The following KCNK10 variants were observed in gnomAD, a reference collection of about 807,000 sequenced individuals.
KCNK10 encodes potassium channel subfamily K member 10.
In KCNK10, 25 loss-of-function variants were observed where a neutral mutation model predicts 47.7. The observed-to-expected ratio is 0.52, with a 90% confidence interval of 0.38 to 0.73. The LOEUF is 0.73. Ranked by LOEUF, KCNK10 falls within the 30% of genes least tolerant of loss-of-function variation. The pLI, the probability that KCNK10 is intolerant of heterozygous loss-of-function variation, is 0.00. For missense variants in KCNK10, 563 were observed against 714.5 expected (o/e 0.79, Z 2.42); for synonymous variants, 303 against 285.6 (o/e 1.06, Z -0.61).
At chr14:88,229,996 AC>A (rs1886110776) in intron 3 of KCNK10, among the ~76,000 whole-genome samples, 1 of 151,848 alleles carries the variant, frequency 6.6e-6, no homozygotes, top group Non-Finnish European at 1.5e-5. Context: ...CTATTTACCA[AC>A]TCTCAGGTCA....
intron 4 of KCNK10, among the ~76,000 whole-genome samples, chr14:88,199,637 C>T (rs1196808672): frequency 2.0e-5 from 3 of 152,198 alleles, no homozygotes; most frequent in Admixed American, 1.3e-4. Context: ...GTCCTTCCCA[C>T]CCATCTCTTA....
intron 1 of KCNK10, among the ~76,000 whole-genome samples, chr14:88,269,834 A>T (rs1280448411): frequency 6.6e-6 from 1 of 152,108 alleles, no homozygotes; most frequent in Non-Finnish European, 1.5e-5. Context: ...CAGAGAGGGG[A>T]CACTGAGCAA....
chr14:88,228,779 T>G (rs181720562), intron 3 of KCNK10, among the ~76,000 whole-genome samples: 26 of 152,322 alleles, frequency 1.7e-4, no homozygotes, highest in African/African-American at 5.3e-4. Context: ...CATTCAAACC[T>G]CTTATAATAA....
At chr14:88,196,334 G>A (rs1884912887) in intron 4 of KCNK10, among the ~76,000 whole-genome samples, 1 of 152,330 alleles carries the variant, frequency 6.6e-6, no homozygotes, top group East Asian at 1.9e-4. Context: ...TCTTTTGAGA[G>A]AGGGATGTAT....
At chr14:88,262,249 A>G (rs1887131446) in intron 2 of KCNK10, among the ~76,000 whole-genome samples, 1 of 152,092 alleles carries the variant, frequency 6.6e-6, no homozygotes, top group African/African-American at 2.4e-5. Context: ...CCTTCCACCA[A>G]AACCCACTCT....
intron 1 of KCNK10, among the ~76,000 whole-genome samples, chr14:88,312,433 G>A (rs1384273333): frequency 6.6e-6 from 1 of 152,210 alleles, no homozygotes; most frequent in African/African-American, 2.4e-5. Flanking sequence ...CATCCTGGCT[G>A]GATGCCGACT....
chr14:88,277,336 T>C (rs1467206685), intron 1 of KCNK10, among the ~76,000 whole-genome samples: 1 of 152,256 alleles, frequency 6.6e-6, no homozygotes, highest in African/African-American at 2.4e-5. Context: ...CAGCTTTGCA[T>C]TTCAGCATCA....
chr14:88,296,185 C>T (rs1259602475), intron 1 of KCNK10, among the ~76,000 whole-genome samples: 1 of 152,166 alleles, frequency 6.6e-6, no homozygotes, highest in African/African-American at 2.4e-5. Flanking sequence ...AAAGTAAATG[C>T]ATGTTCTCAG....
intron 4 of KCNK10, among the ~76,000 whole-genome samples, chr14:88,212,109 A>AATATATATATATATATATATAT (rs34318518): frequency 0.03 from 3,972 of 131,030 alleles, 124 homozygotes; most frequent in East Asian, 0.038. Context: ...TGATAGTGAG[A>AATATATATATATATATATATAT]ATATATATAT....
At chr14:88,225,192 A>G (rs1885944427) in intron 4 of KCNK10, among the ~76,000 whole-genome samples, 2 of 152,272 alleles carry the variant, frequency 1.3e-5, no homozygotes. Context: ...TGCAGCAAGC[A>G]AACTGCTGCA....
chr14:88,291,760 T>C (rs11851775), intron 1 of KCNK10, among the ~76,000 whole-genome samples: 21,882 of 151,960 alleles, frequency 0.14, 1,884 homozygotes, highest in East Asian at 0.41. Context: ...GGGTGCGCAG[T>C]GTTTGGCCTG....
chr14:88,256,170 C>T (rs918726025), intron 2 of KCNK10, among the ~76,000 whole-genome samples: 2 of 152,192 alleles, frequency 1.3e-5, no homozygotes, highest in South Asian at 2.1e-4. Flanking sequence ...TAGTGGAATT[C>T]GGATTAGCAT....
At chr14:88,218,273 T>A (rs777248971) in intron 4 of KCNK10, among the ~76,000 whole-genome samples, 17 of 152,190 alleles carry the variant, frequency 1.1e-4, no homozygotes, top group Non-Finnish European at 2.4e-4. Flanking sequence ...CTCTCCTTGA[T>A]CCATGCCAGG....
chr14:88,323,310 A>G (rs1888592371), upstream of KCNK10: 3 of 983,444 alleles, frequency 3.1e-6, no homozygotes, highest in Non-Finnish European at 3.6e-6. Context: ...CTGAGCGCAC[A>G]CGCCCCACCC....
chr14:88,323,305 C>A, upstream of KCNK10: 1 of 985,210 alleles, frequency 1.0e-6, no homozygotes, highest in Non-Finnish European at 1.2e-6. Context: ...CCGCGCTGAG[C>A]GCACACGCCC....
chr14:88,270,842 T>G lies in KCNK10; in HGVS notation c.53-7291A>C, dbSNP rs957397764. On this transcript the variant is annotated intron_variant, in intron 1 of 6. Coordinates refer to ENST00000319231, the MANE Select transcript of KCNK10 (RefSeq NM_138317.3). ...TCTCTCAGGTGTCAGTGTGATCACA[T>G]GGACCCTTGCTAACAATGCTCTGAA... 6.1e-5 allele frequency: 48 copies of G among 780,800 alleles called. No individual in the cohort carries two copies. The East Asian group carries it at 1.2e-3, about 19-fold the overall frequency. The allele number at this position is 780,800 out of a possible 1,614,324, so 48.4% of individuals were successfully genotyped here. A position where few individuals can be genotyped will look rare whatever the true frequency, so the allele number is the denominator to read the frequency against.
At chr14:88,199,221 A>G (rs369324015) in intron 4 of KCNK10, among the ~76,000 whole-genome samples, 125 of 152,186 alleles carry the variant, frequency 8.2e-4, no homozygotes, top group African/African-American at 2.9e-3. Context: ...TGCCCGGCCC[A>G]TGATTTTTTT....
chr14:88,248,340 G>A (rs574218208), intron 2 of KCNK10, among the ~76,000 whole-genome samples: 36 of 152,280 alleles, frequency 2.4e-4, no homozygotes, highest in Admixed American at 1.1e-3. Flanking sequence ...ATAACATCAT[G>A]AAAAAGAGAG....
chr14:88,210,555 C>A (rs11848468), intron 4 of KCNK10, among the ~76,000 whole-genome samples: 9 of 152,272 alleles, frequency 5.9e-5, no homozygotes, highest in Admixed American at 4.6e-4. Context: ...TGCAGAGGCC[C>A]TAGTCGGCCT....
Sources: gnomAD v4.1 joint callset for allele counts (sites outside exome capture counted in the v4.1 genomes callset) on GRCh38, gnomAD v4.1.1 for gene constraint, MANE v1.5 for transcripts, NCBI Gene and HGNC (gene_info 2026-07-23, HGNC 2026-07-21) for gene names.